Variants in HTRA1 observed in about 807,000 individuals in gnomAD.
HTRA1 encodes serine protease HTRA1.
HTRA1 carries 26 observed loss-of-function variants against 49.7 expected under a neutral mutation model. The ratio of observed to expected loss-of-function variants is 0.52; its 90% CI spans 0.38 to 0.73. The LOEUF is 0.73. Among genes scored for constraint, HTRA1 ranks in the 30% least tolerant of loss-of-function variants. The probability of loss-of-function intolerance (pLI) is 0.00; values close to 1 mark genes in which losing one functional copy is unlikely to be tolerated. For missense variants in HTRA1, 561 were observed against 667.2 expected, an observed-to-expected ratio of 0.84 and a Z score of 1.75; for synonymous variants, 291 against 286.9, an observed-to-expected ratio of 1.01 and a Z score of -0.14.
intron 3 of HTRA1, among the ~76,000 whole-genome samples, chr10:122,493,785 T>C (rs766389758): frequency 1.3e-5 from 2 of 152,134 alleles, no homozygotes; most frequent in African/African-American, 4.8e-5. Flanking sequence ...TACCAGGACC[T>C]TGAGGGCCCC....
intron 1 of HTRA1, among the ~76,000 whole-genome samples, chr10:122,467,561 T>C (rs2097484282): frequency 6.6e-6 from 1 of 152,164 alleles, no homozygotes; most frequent in African/African-American, 2.4e-5. Flanking sequence ...ATAGATGTGA[T>C]CCATCTTGAG....
chr10:122,508,388 G>A (rs144698461), intron 5 of HTRA1, among the ~76,000 whole-genome samples: 11 of 152,334 alleles, frequency 7.2e-5, no homozygotes, highest in Non-Finnish European at 1.2e-4. Context: ...AAATCATATC[G>A]TGCATTTTGA....
At chr10:122,469,066 G>A (rs983001347) in intron 1 of HTRA1, among the ~76,000 whole-genome samples, 2 of 152,136 alleles carry the variant, frequency 1.3e-5, no homozygotes, top group Admixed American at 6.5e-5. Context: ...AAAAGTCTCC[G>A]AGGGCATATT....
chr10:122,462,075 G>T lies in HTRA1; in HGVS notation c.423G>T (p.Arg141Ser). The change falls in exon 1 of 9, where the codon AGG becomes AGT. Residue 141 changes from arginine (R) to serine (S), a missense_variant. This residue lies in a region of HTRA1 where 271 missense variants were observed against 410.0 expected (regional missense o/e 0.66). Coordinates refer to ENST00000368984, the MANE Select transcript of HTRA1 (RefSeq NM_002775.5). ...GCGCCGCCAGCCGCCGCTCCGAGAG[G>T]CTGCACCGGCCGCCGGTCATCGTCC... ...QLRAASRRSE[R>S]LHRPPVIVLQ... is the part of the protein sequence containing the mutation. The T allele has an allele frequency of 6.5e-7, 1 of 1,536,102 alleles. No homozygotes were observed. Among genetic ancestry groups the T allele is most frequent in the Non-Finnish European group, 8.7e-7 (1 of 1,147,760 alleles).
At chr10:122,503,059 C>T (rs1278921763) in intron 3 of HTRA1, among the ~76,000 whole-genome samples, 1 of 152,250 alleles carries the variant, frequency 6.6e-6, no homozygotes, top group African/African-American at 2.4e-5. Context: ...GAGGAGCTGC[C>T]ACCTTCAAGA....
intron 3 of HTRA1, among the ~76,000 whole-genome samples, chr10:122,497,167 C>T (rs2097499062): frequency 6.6e-6 from 1 of 152,166 alleles, no homozygotes; most frequent in Non-Finnish European, 1.5e-5. Context: ...TTAAACAAAG[C>T]ACCAGAATCT....
chr10:122,496,228 CTTTT>C (rs71026021), intron 3 of HTRA1, among the ~76,000 whole-genome samples: 1 of 75,646 alleles, frequency 1.3e-5, no homozygotes, highest in African/African-American at 5.4e-5. Context: ...ATTGTGGGTT[CTTTT>C]TTTTTTTTTT....
intron 3 of HTRA1, among the ~76,000 whole-genome samples, chr10:122,499,123 A>G (rs183685319): frequency 6.6e-6 from 1 of 152,082 alleles, no homozygotes; most frequent in Admixed American, 6.5e-5. Flanking sequence ...CAGGTACCTA[A>G]TGCACCCGAC....
rs893059064 is a variant in HTRA1, at chr10:122,494,982, A to G, written c.777+5356A>G. The stretch of plus-strand genomic sequence containing the variant: ...GGGGGTTCAGGCAGCCCCCCGGGAC[A>G]TGGCAGTGGCGGGGAGTGGACTGGG... On this transcript the variant is annotated intron_variant, in intron 3 of 8. Coordinates refer to ENST00000368984, the MANE Select transcript of HTRA1 (RefSeq NM_002775.5). This position sits in a 1 kb window ranked among gnomAD's most constrained non-coding sequence, Gnocchi z 4.0. Among the ~76,000 whole-genome samples the G allele has an allele frequency of 2.6e-5, 4 of 152,108 alleles. No homozygotes were observed. Among genetic ancestry groups the G allele is most frequent in the African/African-American group, 9.7e-5 (4 of 41,424 alleles).
intron 3 of HTRA1, among the ~76,000 whole-genome samples, chr10:122,495,927 G>A: frequency 6.6e-6 from 1 of 152,182 alleles, no homozygotes; most frequent in Admixed American, 6.5e-5. Flanking sequence ...TTGGGACATG[G>A]TCATGCTCAC....
intron 1 of HTRA1, among the ~76,000 whole-genome samples, chr10:122,467,984 C>T (rs1249569528): frequency 2.6e-5 from 4 of 152,162 alleles, no homozygotes; most frequent in African/African-American, 7.2e-5. Context: ...GAGGCATGTC[C>T]ATCACTGCCG....
chr10:122,461,556 C>T lies in HTRA1; in HGVS notation c.-97C>T. The T allele has an allele frequency of 1.5e-6, 1 of 674,032 alleles. No homozygotes were observed. The highest frequency in any genetic ancestry group is 2.1e-6 in the Non-Finnish European group (1 of 476,926). The allele number at this position is 674,032 out of a possible 1,614,324, so 41.8% of individuals were successfully genotyped here. ...GCTGGGCCGCGCGGCCGCGCGCACT[C>T]GCACCCGCTGCCCCCGAGGCCCTCC... On this transcript the variant is annotated 5_prime_UTR_variant, in exon 1 of 9. Coordinates refer to ENST00000368984, the MANE Select transcript of HTRA1 (RefSeq NM_002775.5).
At chr10:122,467,309 C>A (rs928377830) in intron 1 of HTRA1, among the ~76,000 whole-genome samples, 1 of 152,178 alleles carries the variant, frequency 6.6e-6, no homozygotes, top group Non-Finnish European at 1.5e-5. Flanking sequence ...TCTGGCCCTT[C>A]CTGGGGTGTT....
chr10:122,463,380 A>G (rs1288917029), intron 1 of HTRA1, among the ~76,000 whole-genome samples: 1 of 152,186 alleles, frequency 6.6e-6, no homozygotes, highest in Non-Finnish European at 1.5e-5. Flanking sequence ...GAGAGAAGTG[A>G]TCCTGCAGAC....
chr10:122,476,794 C>T (rs1252390010), intron 1 of HTRA1, among the ~76,000 whole-genome samples: 1 of 151,952 alleles, frequency 6.6e-6, no homozygotes, highest in Non-Finnish European at 1.5e-5. Context: ...TGACTGCATT[C>T]GCTCTCCCCC....
At chr10:122,493,056 T>G (rs2097496683) in intron 3 of HTRA1, among the ~76,000 whole-genome samples, 2 of 152,216 alleles carry the variant, frequency 1.3e-5, no homozygotes, top group African/African-American at 2.4e-5. Context: ...TCTGGGCTTG[T>G]GACCAAATGA....
intron 1 of HTRA1, among the ~76,000 whole-genome samples, chr10:122,482,545 G>T (rs1201861035): frequency 2.0e-5 from 3 of 152,054 alleles, no homozygotes; most frequent in African/African-American, 7.2e-5. Flanking sequence ...ATATGATTTT[G>T]GCTTCTTCCT....
intron 3 of HTRA1, among the ~76,000 whole-genome samples, chr10:122,492,284 C>T (rs1287254043): frequency 6.6e-6 from 1 of 152,166 alleles, no homozygotes; most frequent in Non-Finnish European, 1.5e-5. Flanking sequence ...CCCCTGGCAT[C>T]CTGATTTCAC....
rs968997430 is a variant in HTRA1 at position 122,511,608 on chromosome 10, C to T, written c.1179-362C>T. 7.2e-5 allele frequency among the ~76,000 whole-genome samples: 11 copies of T among 152,002 alleles called. No homozygotes were observed. In the South Asian group the frequency reaches 1.9e-3, roughly 26 times the overall value. On this transcript the variant is annotated intron_variant, in intron 7 of 8. Transcript: ENST00000368984. Reference sequence around the variant, plus strand: ...ATTAGCCGGGCTTGGTGGCAGGCACCTGTAATCCCAGCTACTCGGGTGGCT... The same window carrying T: ...ATTAGCCGGGCTTGGTGGCAGGCACTTGTAATCCCAGCTACTCGGGTGGCT...
Sources: gnomAD v4.1 joint callset for allele counts (sites outside exome capture counted in the v4.1 genomes callset) on GRCh38, gnomAD v4.1.1 for gene constraint, gnomAD v4.1.1 regional missense constraint, Gnocchi (gnomAD v3.1) non-coding constraint, MANE v1.5 for transcripts, NCBI Gene and HGNC (gene_info 2026-07-23, HGNC 2026-07-21) for gene names.